Variants in GIPC2 observed in about 807,000 individuals in gnomAD.
GIPC2 encodes PDZ domain-containing protein GIPC2.
GIPC2 carries 30 observed loss-of-function variants against 30.6 expected under a neutral mutation model. That is an observed-to-expected ratio of 0.98 (90% CI 0.73 to 1.33). GIPC2 has a LOEUF of 1.33. Ranked by LOEUF, GIPC2 falls within the 40% of genes most tolerant of loss-of-function variation. The pLI, the probability that GIPC2 is intolerant of heterozygous loss-of-function variation, is 0.00. For synonymous variants in GIPC2, 167 were observed against 150.0 expected, an observed-to-expected ratio of 1.11 and a Z score of -0.83; for missense variants, 414 against 390.3, an observed-to-expected ratio of 1.06 and a Z score of -0.51.
At chr1:78,083,347 A>G (rs1336374795) in intron 2 of GIPC2, among the ~76,000 whole-genome samples, 1 of 152,134 alleles carries the variant, frequency 6.6e-6, no homozygotes, top group Admixed American at 6.5e-5. Flanking sequence ...TACATAAGTG[A>G]TGCTGTGTCC....
chr1:78,056,131 C>A (rs7523750), intron 1 of GIPC2, among the ~76,000 whole-genome samples: 3,345 of 152,258 alleles, frequency 0.022, 116 homozygotes, highest in African/African-American at 0.076. Context: ...TAATGTCTGT[C>A]TCTTCCATAA....
chr1:78,133,773 TG>T (rs1662948632), intron 5 of GIPC2, among the ~76,000 whole-genome samples: 2 of 151,872 alleles, frequency 1.3e-5, no homozygotes, highest in African/African-American at 4.8e-5. Flanking sequence ...TGTGTGTGTG[TG>T]TGTGTGTGTG....
At chr1:78,131,059 A>C (rs1464657373) in intron 5 of GIPC2, among the ~76,000 whole-genome samples, 2 of 152,112 alleles carry the variant, frequency 1.3e-5, no homozygotes, top group Non-Finnish European at 2.9e-5. Flanking sequence ...CTGATCTCAA[A>C]ATCCTGGACT....
chr1:78,106,439 A>G (rs1357654289), intron 3 of GIPC2, among the ~76,000 whole-genome samples: 1 of 151,782 alleles, frequency 6.6e-6, no homozygotes, highest in Non-Finnish European at 1.5e-5. Context: ...AGGCGCCTGT[A>G]GTCCCAGCTA....
At chr1:78,053,666 G>A (rs573728061) in intron 1 of GIPC2, among the ~76,000 whole-genome samples, 23 of 147,186 alleles carry the variant, frequency 1.6e-4, no homozygotes, top group Admixed American at 1.1e-3. Flanking sequence ...TAGCACTTTG[G>A]AAGGCTGAGA....
At chr1:78,080,281 G>A (rs1661798996) in intron 1 of GIPC2, among the ~76,000 whole-genome samples, 1 of 151,994 alleles carries the variant, frequency 6.6e-6, no homozygotes. Flanking sequence ...CTTTAAAATG[G>A]GTGAGACCTG....
At position 78,065,549 on chromosome 1, in the gene GIPC2, T is replaced by C. The variant is rs565209689; in HGVS notation, c.241-15126T>C. ...CACAGAATTAAAAAAAAAAAACTGT[T>C]TTAAAATTCATATGGAAAGACAAAA... is the stretch of plus-strand genomic sequence containing the variant. On this transcript the variant is annotated intron_variant, in intron 1 of 5. Coordinates refer to ENST00000370759, the MANE Select transcript of GIPC2 (RefSeq NM_017655.6). Among the ~76,000 whole-genome samples the C allele has an allele frequency of 6.8e-4, 103 of 152,052 alleles. 1 individual carries two copies. The East Asian group carries it at 0.012, about 18-fold the overall frequency.
chr1:78,118,438 T>G (rs990908537), intron 3 of GIPC2, among the ~76,000 whole-genome samples: 1 of 151,934 alleles, frequency 6.6e-6, no homozygotes, highest in African/African-American at 2.4e-5. Flanking sequence ...ATAGGGCACA[T>G]TTCTTCCAAT....
At chr1:78,122,010 G>C (rs1662692389) in intron 4 of GIPC2, among the ~76,000 whole-genome samples, 1 of 152,192 alleles carries the variant, frequency 6.6e-6, no homozygotes, top group African/African-American at 2.4e-5. Flanking sequence ...CGTCCCTTCA[G>C]GAGGAGGAGC....
At chr1:78,127,335 G>C (rs1662801271) in intron 5 of GIPC2, among the ~76,000 whole-genome samples, 1 of 152,244 alleles carries the variant, frequency 6.6e-6, no homozygotes, top group Admixed American at 6.5e-5. Context: ...GAGCTGAGCA[G>C]AGGAGGTTGA....
At chr1:78,122,048 CTCTT>C (rs1476929855) in intron 4 of GIPC2, among the ~76,000 whole-genome samples, 1 of 152,204 alleles carries the variant, frequency 6.6e-6, no homozygotes, top group Non-Finnish European at 1.5e-5. Context: ...TCATTCGTCA[CTCTT>C]TGTTAAGCAC....
intron 4 of GIPC2, among the ~76,000 whole-genome samples, chr1:78,121,274 G>T (rs546531240): frequency 6.6e-6 from 1 of 152,178 alleles, no homozygotes; most frequent in Non-Finnish European, 1.5e-5. Flanking sequence ...AAGCCCTCCC[G>T]TGGGCAGATG....
chr1:78,081,871 A>C (rs1557535950), intron 2 of GIPC2, among the ~76,000 whole-genome samples: 1 of 152,126 alleles, frequency 6.6e-6, no homozygotes. Context: ...GTTGCAGTAT[A>C]AGACATTTTT....
At chr1:78,057,051 T>C (rs933185751) in intron 1 of GIPC2, among the ~76,000 whole-genome samples, 1 of 152,226 alleles carries the variant, frequency 6.6e-6, no homozygotes, top group Non-Finnish European at 1.5e-5. Context: ...AGTTGTAGTC[T>C]AGGTTTAATC....
intron 2 of GIPC2, among the ~76,000 whole-genome samples, chr1:78,084,510 C>CAA (rs11432277): frequency 0.025 from 3,230 of 128,860 alleles, 80 homozygotes; most frequent in South Asian, 0.12. Context: ...GACTCTGTCT[C>CAA]AAAAAAAAAA....
rs536060085 is a variant in GIPC2 at position 78,046,028 on chromosome 1, C to T, written c.-67C>T. On this transcript the variant is annotated 5_prime_UTR_variant, in exon 1 of 6. Transcript: ENST00000370759. ...CTGCGCGGGGCCCGGGGCGCAAAGT[C>T]CGAGGCGCCGGGGGGAGGAGGCGGC... 1 of 1,398,746 alleles carries T rather than the reference C, an allele frequency of 7.1e-7. No individual in the cohort carries two copies. 86.6% of individuals were successfully genotyped at this position (1,398,746 alleles called of 1,614,324 possible).
intron 1 of GIPC2, among the ~76,000 whole-genome samples, chr1:78,063,362 T>A (rs1661441107): frequency 6.6e-6 from 1 of 151,652 alleles, no homozygotes; most frequent in Non-Finnish European, 1.5e-5. Context: ...TGTGGTGGCA[T>A]GCATCTGTAA....
rs1049028371 is a variant in GIPC2 at position 78,136,070 on chromosome 1, A to C, written c.*327A>C. 5.5e-6 allele frequency: 1 copy of C among 181,500 alleles called. No individual in the cohort carries two copies. Among genetic ancestry groups the C allele is most frequent in the Non-Finnish European group, 1.1e-5 (1 of 88,802 alleles). 11.2% of individuals were successfully genotyped at this position (181,500 alleles called of 1,614,324 possible). On this transcript the variant is annotated 3_prime_UTR_variant, in exon 6 of 6. Transcript: ENST00000370759. Reference sequence around the variant, plus strand: ...ACCCATGCTTTGTTTTTCACATATAAATAGATGATTTCAATAGCTTTGTAG... The same window carrying C: ...ACCCATGCTTTGTTTTTCACATATACATAGATGATTTCAATAGCTTTGTAG...
At chr1:78,075,478 G>T (rs558564965) in intron 1 of GIPC2, among the ~76,000 whole-genome samples, 4 of 152,134 alleles carry the variant, frequency 2.6e-5, no homozygotes, top group African/African-American at 9.6e-5. Flanking sequence ...AGGTAGAGTG[G>T]GCTCCAAATT....
Sources: gnomAD v4.1 joint callset for allele counts (sites outside exome capture counted in the v4.1 genomes callset) on GRCh38, gnomAD v4.1.1 for gene constraint, MANE v1.5 for transcripts, NCBI Gene and HGNC (gene_info 2026-07-23, HGNC 2026-07-21) for gene names.